Variants in CDIN1 observed in about 807,000 individuals in gnomAD.
The protein encoded by CDIN1 is CDAN1 interacting nuclease 1, also known as CDAN1-interacting nuclease 1.
In CDIN1, 33 loss-of-function variants were observed where a neutral mutation model predicts 45.3. That is an observed-to-expected ratio of 0.73 (90% CI 0.55 to 0.97). CDIN1 has a LOEUF of 0.97. CDIN1 is among the 50% of genes least tolerant of loss of function. The pLI is 0.00. For synonymous variants in CDIN1, 118 were observed against 124.4 expected, an observed-to-expected ratio of 0.95 and a Z score of 0.34; for missense variants, 303 against 339.4, an observed-to-expected ratio of 0.89 and a Z score of 0.84.
intron 8 of CDIN1, chr15:36,705,333 GTCT>G (rs1245501018): frequency 6.6e-6 from 1 of 152,126 alleles, no homozygotes; most frequent in African/African-American, 2.4e-5. Context: ...ACAGATGGCA[GTCT>G]TCTTCTCTTA....
At chr15:36,695,071 C>A (rs553131929) in intron 7 of CDIN1, among the ~76,000 whole-genome samples, 17 of 152,194 alleles carry the variant, frequency 1.1e-4, no homozygotes, top group Admixed American at 1.0e-3. Flanking sequence ...AGGCAAGGGA[C>A]AACTGGAGGA....
intron 10 of CDIN1, among the ~76,000 whole-genome samples, chr15:36,801,951 G>T (rs1234676615): frequency 7.2e-6 from 1 of 139,732 alleles, no homozygotes; most frequent in Admixed American, 7.2e-5. Flanking sequence ...GTGTAGATAG[G>T]TGGATCCCAA....
intron 7 of CDIN1, among the ~76,000 whole-genome samples, chr15:36,693,057 T>C (rs1334451088): frequency 2.0e-5 from 3 of 152,176 alleles, no homozygotes; most frequent in South Asian, 2.1e-4. Flanking sequence ...CTGTGATGAA[T>C]TGTGACTCAG....
chr15:36,590,681 T>A (rs367714452), intron 1 of CDIN1, among the ~76,000 whole-genome samples: 2 of 152,214 alleles, frequency 1.3e-5, no homozygotes, highest in East Asian at 3.9e-4. Context: ...TTAAGGCCTG[T>A]CATTTGTTCC....
chr15:36,753,189 T>A (rs2053520976), intron 10 of CDIN1, among the ~76,000 whole-genome samples: 1 of 152,120 alleles, frequency 6.6e-6, no homozygotes, highest in Non-Finnish European at 1.5e-5. Flanking sequence ...ATCAAATAAA[T>A]TCATTTTAGG....
intron 8 of CDIN1, chr15:36,702,230 G>A: frequency 1.5e-6 from 1 of 666,582 alleles, no homozygotes; most frequent in South Asian, 1.6e-5. Context: ...TAGAGTAACA[G>A]GAACATGAAA....
intron 5 of CDIN1, among the ~76,000 whole-genome samples, chr15:36,674,228 C>T (rs1334199310): frequency 6.6e-6 from 1 of 152,134 alleles, no homozygotes; most frequent in Non-Finnish European, 1.5e-5. Flanking sequence ...AATGGCATTA[C>T]AGCTGTGATG....
chr15:36,740,749 C>T (rs565852473), intron 10 of CDIN1, among the ~76,000 whole-genome samples: 3 of 152,030 alleles, frequency 2.0e-5, no homozygotes, highest in Non-Finnish European at 2.9e-5. Context: ...ATCAGCCGGG[C>T]ATGGTGGTGC....
intron 10 of CDIN1, among the ~76,000 whole-genome samples, chr15:36,803,755 T>C (rs1271178984): frequency 1.3e-5 from 2 of 152,210 alleles, no homozygotes; most frequent in African/African-American, 2.4e-5. Flanking sequence ...ATGAGTGTGT[T>C]AGTGAACCTT....
intron 10 of CDIN1, among the ~76,000 whole-genome samples, chr15:36,788,106 ATTTTTTTTT>A (rs1172040193): frequency 3.6e-4 from 18 of 50,522 alleles, no homozygotes; most frequent in African/African-American, 1.1e-3. Context: ...ATATATATAT[ATTTTTTTTT>A]TTTTTTTTTT....
chr15:36,667,886 C>T (rs1179615577), intron 5 of CDIN1, among the ~76,000 whole-genome samples: 4 of 152,056 alleles, frequency 2.6e-5, no homozygotes, highest in Non-Finnish European at 5.9e-5. Flanking sequence ...ACATAAAATA[C>T]AACACGTCAA....
chr15:36,771,642 G>T (rs1050228226), intron 10 of CDIN1, among the ~76,000 whole-genome samples: 12 of 152,266 alleles, frequency 7.9e-5, no homozygotes, highest in African/African-American at 2.6e-4. Flanking sequence ...CAAGAATCAG[G>T]CAGGTGAAAG....
chr15:36,603,321 G>C (rs2038203148), intron 1 of CDIN1, among the ~76,000 whole-genome samples: 1 of 152,142 alleles, frequency 6.6e-6, no homozygotes, highest in Non-Finnish European at 1.5e-5. Flanking sequence ...AGGCTTCTTA[G>C]AGGAAGAAGA....
chr15:36,644,377 T>C (rs1007136164), intron 2 of CDIN1, 54 bp downstream of exon 2: 3 of 1,543,480 alleles, frequency 1.9e-6, no homozygotes, highest in Non-Finnish European at 2.7e-6. Flanking sequence ...GAATGATGAA[T>C]GTCCCTTTAT....
At chr15:36,584,282 A>G (rs1226164963) in intron 1 of CDIN1, among the ~76,000 whole-genome samples, 1 of 152,158 alleles carries the variant, frequency 6.6e-6, no homozygotes, top group Non-Finnish European at 1.5e-5. Context: ...AAAAAATTTA[A>G]AAATTAGCCA....
At chr15:36,668,822 C>T (rs906986854) in intron 5 of CDIN1, among the ~76,000 whole-genome samples, 7 of 152,154 alleles carry the variant, frequency 4.6e-5, no homozygotes, top group African/African-American at 1.7e-4. Flanking sequence ...CTAGTTTGCT[C>T]TTCTTTAAAA....
intron 10 of CDIN1, among the ~76,000 whole-genome samples, chr15:36,753,449 C>G (rs577903632): frequency 1.3e-5 from 2 of 151,974 alleles, no homozygotes; most frequent in African/African-American, 4.8e-5. Flanking sequence ...TGTATGGCTA[C>G]CGGGTTAGAT....
intron 10 of CDIN1, among the ~76,000 whole-genome samples, chr15:36,764,078 TCA>T (rs2053846906): frequency 6.6e-6 from 1 of 152,194 alleles, no homozygotes; most frequent in Non-Finnish European, 1.5e-5. Flanking sequence ...CAGTTTGACC[TCA>T]CACTCAGAGT....
intron 10 of CDIN1, among the ~76,000 whole-genome samples, chr15:36,776,613 T>TA (rs1172370320): frequency 6.6e-6 from 1 of 152,214 alleles, no homozygotes; most frequent in African/African-American, 2.4e-5. Context: ...GTCATTATAT[T>TA]GTTTCTGCAG....
Sources: gnomAD v4.1 joint callset for allele counts (sites outside exome capture counted in the v4.1 genomes callset) on GRCh38, gnomAD v4.1.1 for gene constraint, MANE v1.5 for transcripts, NCBI Gene and HGNC (gene_info 2026-07-23, HGNC 2026-07-21) for gene names.